MMP16: variants seen among roughly 807,000 people sequenced by gnomAD.
MMP16 encodes the protein matrix metallopeptidase 16.
Under a neutral mutation model 67.8 loss-of-function variants are expected in MMP16, and 12 were observed. That is an observed-to-expected ratio of 0.18 (90% CI 0.11 to 0.29). The LOEUF (loss-of-function observed/expected upper bound fraction) is 0.29. MMP16 is among the 10% of genes least tolerant of loss of function. MMP16 has a pLI of 1.00. For missense variants in MMP16, 475 were observed against 765.7 expected (o/e 0.62, Z 4.48); for synonymous variants, 249 against 255.9 (o/e 0.97, Z 0.26).
At chr8:88,317,387 A>G (rs1362338193) in intron 1 of MMP16, among the ~76,000 whole-genome samples, 2 of 152,202 alleles carry the variant, frequency 1.3e-5, no homozygotes, top group Non-Finnish European at 2.9e-5. Flanking sequence ...CAAAAAGAGG[A>G]CTTGCCAAAG....
Position 88,131,680 on chromosome 8 carries a change from C to G in MMP16, c.710-12819G>C, listed in dbSNP as rs893437404. ...GTTGAAATTACTCATTAAAAACTAC[C>G]TTTCATAATCTGGTTTAGACTTTCC... is the stretch of plus-strand genomic sequence containing the variant. On this transcript the variant is annotated intron_variant, in intron 4 of 9. Coordinates refer to ENST00000286614, the MANE Select transcript of MMP16 (RefSeq NM_005941.5). 9.9e-5 allele frequency among the ~76,000 whole-genome samples: 15 copies of G among 151,844 alleles called. No individual in the cohort carries two copies. The East Asian group carries it at 2.9e-3, about 30-fold the overall frequency.
intron 1 of MMP16, among the ~76,000 whole-genome samples, chr8:88,210,016 T>C (rs1809488554): frequency 6.6e-6 from 1 of 152,088 alleles, no homozygotes; most frequent in Non-Finnish European, 1.5e-5. Flanking sequence ...GAGAGCTCTC[T>C]ATCCCTCTTT....
In MMP16 at chr8:88,116,207, T is replaced by C. The variant is rs148342992; in HGVS notation, c.1083+300A>G. On this transcript the variant is annotated intron_variant, in intron 6 of 9. Transcript: ENST00000286614. Reference sequence around the variant, plus strand: ...CAAGCAAATCATCCCTATTAGTTCCTATTCATGATTCAAATTATGCTATTT... The same window carrying C: ...CAAGCAAATCATCCCTATTAGTTCCCATTCATGATTCAAATTATGCTATTT... Among the ~76,000 whole-genome samples the C allele has an allele frequency of 3.2e-3, 483 of 152,240 alleles. 3 individuals carry two copies. Among genetic ancestry groups the C allele is most frequent in the African/African-American group, 0.011 (460 of 41,572 alleles).
chr8:88,262,979 C>G (rs886612324), intron 1 of MMP16, among the ~76,000 whole-genome samples: 1 of 150,724 alleles, frequency 6.6e-6, no homozygotes, highest in Non-Finnish European at 1.5e-5. Context: ...GAGCCGAGAT[C>G]GCGCCACTGC....
intron 4 of MMP16, among the ~76,000 whole-genome samples, chr8:88,143,039 G>A (rs570732024): frequency 1.3e-5 from 2 of 152,184 alleles, no homozygotes; most frequent in Non-Finnish European, 2.9e-5. Context: ...TATTTTTGAA[G>A]AAGAAAGATT....
chr8:88,067,067 T>C (rs1808472555), intron 7 of MMP16, among the ~76,000 whole-genome samples: 1 of 152,084 alleles, frequency 6.6e-6, no homozygotes, highest in Admixed American at 6.6e-5. Flanking sequence ...AGAATATTTA[T>C]AATATTTCTT....
At position 88,034,777 on chromosome 8, in the gene MMP16, CA is replaced by C. The variant is rs1808033140; in HGVS notation, c.*6683del. ...TGAAACATGCATCCTAGTGACTTTTCAAATAGACAGCTCACACCAGGCTTCA... is the reference window on the plus strand; with the variant it reads ...TGAAACATGCATCCTAGTGACTTTTCAATAGACAGCTCACACCAGGCTTCA... On this transcript the variant is annotated 3_prime_UTR_variant, in exon 10 of 10. Transcript: ENST00000286614. The C allele has an allele frequency of 1.3e-5, 2 of 151,986 alleles. No homozygotes were observed. The highest frequency in any genetic ancestry group is 3.9e-4 in the East Asian group (2 of 5,186). The allele number at this position is 151,986 out of a possible 1,614,324, so 9.4% of individuals were successfully genotyped here.
intron 6 of MMP16, among the ~76,000 whole-genome samples, chr8:88,091,745 G>C (rs544658679): frequency 6.6e-6 from 1 of 151,900 alleles, no homozygotes; most frequent in East Asian, 1.9e-4. Context: ...CTCTAGATTT[G>C]TGCTGTCAAT....
chr8:88,216,148 G>C (rs1479556686), intron 1 of MMP16, among the ~76,000 whole-genome samples: 2 of 152,070 alleles, frequency 1.3e-5, no homozygotes. Context: ...AAAAATAAGA[G>C]TAAGCTTTTA....
chr8:88,059,133 T>A (rs1808365730), intron 7 of MMP16, among the ~76,000 whole-genome samples: 1 of 152,096 alleles, frequency 6.6e-6, no homozygotes, highest in Admixed American at 6.6e-5. Flanking sequence ...GGTATGTCAG[T>A]TTGAAAATAA....
intron 4 of MMP16, among the ~76,000 whole-genome samples, chr8:88,155,065 G>A (rs1452732291): frequency 2.0e-5 from 3 of 152,012 alleles, no homozygotes; most frequent in Non-Finnish European, 2.9e-5. Context: ...GGATGAGTAT[G>A]TGAAAATACA....
At chr8:88,161,763 G>A (rs1004758275) in intron 4 of MMP16, among the ~76,000 whole-genome samples, 9 of 152,086 alleles carry the variant, frequency 5.9e-5, no homozygotes, top group African/African-American at 9.6e-5. Context: ...CTTTGTTCTC[G>A]TTGGTTTCAA....
chr8:88,232,315 A>G (rs1217045156), intron 1 of MMP16, among the ~76,000 whole-genome samples: 1 of 152,176 alleles, frequency 6.6e-6, no homozygotes, highest in Non-Finnish European at 1.5e-5. Context: ...AGGTGGGAAA[A>G]CTGAAGCAAT....
At chr8:88,054,559 T>C (rs193267793) in intron 8 of MMP16, among the ~76,000 whole-genome samples, 72 of 152,328 alleles carry the variant, frequency 4.7e-4, no homozygotes, top group Non-Finnish European at 1.0e-3. Context: ...ATCAAATTTT[T>C]GTTTGATAGA....
At chr8:88,246,097 T>C (rs1353729799) in intron 1 of MMP16, among the ~76,000 whole-genome samples, 1 of 152,066 alleles carries the variant, frequency 6.6e-6, no homozygotes, top group Non-Finnish European at 1.5e-5. Context: ...ACAGGCTAGG[T>C]TAAAATCCCC....
intron 2 of MMP16, 138 bp from the exon 3 acceptor site, chr8:88,186,736 A>G: frequency 8.5e-7 from 1 of 1,171,878 alleles, no homozygotes; most frequent in South Asian, 1.7e-5. Flanking sequence ...ATATAAAGTA[A>G]AGGGAACACT....
At chr8:88,157,848 T>G (rs1808539312) in intron 4 of MMP16, among the ~76,000 whole-genome samples, 1 of 142,420 alleles carries the variant, frequency 7.0e-6, no homozygotes, top group Non-Finnish European at 1.5e-5. Context: ...CAGGCCCTGA[T>G]GTGTATTTTT....
intron 6 of MMP16, among the ~76,000 whole-genome samples, chr8:88,108,047 A>G (rs1026094524): frequency 6.6e-6 from 1 of 151,178 alleles, no homozygotes; most frequent in African/African-American, 2.4e-5. Context: ...TGAAACTTTT[A>G]TCAATAATAA....
chr8:88,190,596 G>A (rs761275442), intron 2 of MMP16, among the ~76,000 whole-genome samples: 2 of 152,106 alleles, frequency 1.3e-5, no homozygotes, highest in African/African-American at 4.8e-5. Context: ...ATATAAATTT[G>A]TTAGGCACCA....
Sources: gnomAD v4.1 joint callset for allele counts (sites outside exome capture counted in the v4.1 genomes callset) on GRCh38, gnomAD v4.1.1 for gene constraint, MANE v1.5 for transcripts, NCBI Gene and HGNC (gene_info 2026-07-23, HGNC 2026-07-21) for gene names.